The following RUFY2 variants were observed in gnomAD, a reference collection of about 807,000 sequenced individuals.
RUFY2 encodes RUN and FYVE domain-containing protein 2.
Under a neutral mutation model 94.4 loss-of-function variants are expected in RUFY2, and 49 were observed. The ratio of observed to expected loss-of-function variants is 0.52; its 90% confidence interval spans 0.41 to 0.66. The LOEUF is 0.66. Among genes scored for constraint, RUFY2 ranks in the 30% least tolerant of loss-of-function variants. RUFY2 has a pLI of 0.00. For missense variants in RUFY2, 541 were observed against 692.8 expected, an observed-to-expected ratio of 0.78 and a Z score of 2.46; for synonymous variants, 255 against 235.7, an observed-to-expected ratio of 1.08 and a Z score of -0.75.
intron 10 of RUFY2, 52 bp downstream of exon 10, chr10:68,383,746 G>A (rs1039604460): frequency 1.6e-6 from 2 of 1,244,122 alleles, no homozygotes; most frequent in Non-Finnish European, 2.4e-6. Flanking sequence ...CTTGCTTGAG[G>A]GTAAATTACT....
intron 7 of RUFY2, among the ~76,000 whole-genome samples, chr10:68,387,207 C>T (rs2049570442): frequency 6.6e-6 from 1 of 151,870 alleles, no homozygotes; most frequent in South Asian, 2.1e-4. Flanking sequence ...AAATACAAAA[C>T]TTAGCCAAGC....
At position 68,385,848 on chromosome 10, in the gene RUFY2, A is replaced by G. The variant is rs2049456736; in HGVS notation, c.720+211T>C. ...TTTAGAAGCTGAGTATCTCAAATAT[A>G]GTATCTCAGATTCATATAACTGAGG... On this transcript the variant is annotated intron_variant, in intron 8 of 17. Transcript: ENST00000602465. Among the ~76,000 whole-genome samples the G allele has an allele frequency of 2.6e-5, 4 of 152,164 alleles. No individual in the cohort carries two copies. In the South Asian group the frequency reaches 6.2e-4, roughly 24 times the overall value.
At chr10:68,349,746 G>A (rs1322216429) in intron 16 of RUFY2, among the ~76,000 whole-genome samples, 1 of 151,928 alleles carries the variant, frequency 6.6e-6, no homozygotes, top group Non-Finnish European at 1.5e-5. Flanking sequence ...CACCGTGTTA[G>A]CCAGGATGGT....
In RUFY2 at chr10:68,405,689, G is replaced by T. The variant is rs1049817250; in HGVS notation, c.5-845C>A. The T allele has an allele frequency of 4.1e-6, 4 of 981,940 alleles. No homozygotes were observed. In the African/African-American group the frequency reaches 5.4e-5, roughly 13 times the overall value. 60.8% of individuals were successfully genotyped at this position (981,940 alleles called of 1,614,324 possible). ...ACACTGACAAGGGGACACAGAAGAAGCCGTCCAATTCTTTCGTCTACCCTC... is the reference window on the plus strand; with the variant it reads ...ACACTGACAAGGGGACACAGAAGAATCCGTCCAATTCTTTCGTCTACCCTC... On this transcript the variant is annotated intron_variant, in intron 1 of 17. Transcript: ENST00000602465.
intron 7 of RUFY2, among the ~76,000 whole-genome samples, chr10:68,388,400 T>C (rs998835496): frequency 6.6e-6 from 1 of 151,980 alleles, no homozygotes; most frequent in Non-Finnish European, 1.5e-5. Flanking sequence ...GAGGTGGAGG[T>C]TGCAATGAGC....
chr10:68,373,151 C>T (rs566234474), intron 13 of RUFY2, among the ~76,000 whole-genome samples: 7 of 152,250 alleles, frequency 4.6e-5, no homozygotes, highest in Non-Finnish European at 5.9e-5. Context: ...AAGGTTTTCA[C>T]ACTTCATCCA....
intron 4 of RUFY2, among the ~76,000 whole-genome samples, chr10:68,394,895 C>G (rs1274295321): frequency 6.6e-6 from 1 of 151,894 alleles, no homozygotes; most frequent in South Asian, 2.1e-4. Flanking sequence ...TCCCAAAGTG[C>G]TGGGATTACA....
At position 68,378,346 on chromosome 10, in the gene RUFY2, C is replaced by A. The variant is rs144802915; in HGVS notation, c.1205+1078G>T. 4.9e-4 allele frequency: 593 copies of A among 1,218,056 alleles called. 3 individuals carry two copies. In the African/African-American group the frequency reaches 8.7e-3, roughly 18 times the overall value. The allele number at this position is 1,218,056 out of a possible 1,614,324, so 75.5% of individuals were successfully genotyped here. A position where few individuals can be genotyped will look rare whatever the true frequency, so the allele number is the denominator to read the frequency against. ...CTCCAAAGGGTCAATACTCAAATCACCCTTTGTGCACAAGGTTTGAGGAAC... is the reference window on the plus strand; with the variant it reads ...CTCCAAAGGGTCAATACTCAAATCAACCTTTGTGCACAAGGTTTGAGGAAC... On this transcript the variant is annotated intron_variant, in intron 12 of 17. Transcript: ENST00000602465.
chr10:68,350,719 GT>G (rs200638644), intron 16 of RUFY2, among the ~76,000 whole-genome samples: 5 of 148,024 alleles, frequency 3.4e-5, no homozygotes, highest in African/African-American at 5.0e-5. Context: ...TTTGTTTTTG[GT>G]TTTTTTTTTG....
chr10:68,387,966 G>C (rs373398702), intron 7 of RUFY2, among the ~76,000 whole-genome samples: 1 of 152,018 alleles, frequency 6.6e-6, no homozygotes, highest in Admixed American at 6.6e-5. Flanking sequence ...TCGCACCATC[G>C]CACTCCAGCC....
chr10:68,389,050 G>T (rs2049770915), intron 7 of RUFY2, among the ~76,000 whole-genome samples: 1 of 151,358 alleles, frequency 6.6e-6, no homozygotes, highest in African/African-American at 2.4e-5. Context: ...ACAACACCAT[G>T]ACCAGCTAAT....
chr10:68,406,455 G>C (rs1158138050), intron 1 of RUFY2, among the ~76,000 whole-genome samples: 1 of 152,172 alleles, frequency 6.6e-6, no homozygotes, highest in African/African-American at 2.4e-5. Flanking sequence ...CCTAACGTGC[G>C]ATGCGACAAC....
In RUFY2 at chr10:68,363,749, C is replaced by G. The variant is rs1343030054; in HGVS notation, c.1456-65G>C. Reference sequence around the variant, plus strand: ...AAGAAACAAGAAACTCCAGATTGTACATATACCATTAATTAGAAACAAACA... The same window carrying G: ...AAGAAACAAGAAACTCCAGATTGTAGATATACCATTAATTAGAAACAAACA... On this transcript the variant is annotated intron_variant, in intron 14 of 17. Transcript: ENST00000602465. 5 of 1,046,496 alleles carry G rather than the reference C, an allele frequency of 4.8e-6. No homozygotes were observed. In the African/African-American group the frequency reaches 8.1e-5, roughly 17 times the overall value. 64.8% of individuals were successfully genotyped at this position (1,046,496 alleles called of 1,614,324 possible).
downstream of RUFY2, chr10:68,341,660 G>C (rs16925347): frequency 0.081 from 130,351 of 1,611,938 alleles, 6,188 homozygotes; most frequent in Admixed American, 0.098. Context: ...GGAATGGGAG[G>C]CTACGGAAGA....
At chr10:68,347,935 C>G (rs968023777) in intron 16 of RUFY2, among the ~76,000 whole-genome samples, 1 of 152,028 alleles carries the variant, frequency 6.6e-6, no homozygotes, top group African/African-American at 2.4e-5. Context: ...TTTCCAAAAG[C>G]AGAATTCTTT....
intron 3 of RUFY2, 74 bp downstream of exon 3, chr10:68,401,546 G>C (rs1590003823): frequency 1.2e-6 from 1 of 856,170 alleles, no homozygotes; most frequent in African/African-American, 1.7e-5. Flanking sequence ...CAATAAGCTA[G>C]AGTGTGAGGT....
chr10:68,353,342 A>C (rs2046825739), intron 16 of RUFY2, among the ~76,000 whole-genome samples: 1 of 151,058 alleles, frequency 6.6e-6, no homozygotes, highest in Non-Finnish European at 1.5e-5. Flanking sequence ...AAAAAAAAAA[A>C]AAAAAATGAG....
chr10:68,341,358 T>C (rs760810686), downstream of RUFY2: 6 of 1,558,582 alleles, frequency 3.8e-6, no homozygotes, highest in Middle Eastern at 3.4e-4. Flanking sequence ...CGTGAATTTA[T>C]AAAATAAGAG....
chr10:68,368,188 C>T (rs2047998508), intron 13 of RUFY2, among the ~76,000 whole-genome samples: 1 of 150,704 alleles, frequency 6.6e-6, no homozygotes, highest in African/African-American at 2.4e-5. Flanking sequence ...AGGCTGGTCT[C>T]GAACTCTTGA....
Sources: allele counts gnomAD v4.1 joint callset (sites outside exome capture counted in the v4.1 genomes callset), GRCh38; gene constraint gnomAD v4.1.1; transcripts MANE v1.5; gene names NCBI Gene and HGNC (gene_info 2026-07-23, HGNC 2026-07-21).